The following CDH1 variants were observed in gnomAD, a reference collection of about 807,000 sequenced individuals.
CDH1 encodes the protein cadherin 1, also known as cadherin-1.
CDH1 carries 35 observed loss-of-function variants against 84.5 expected under a neutral mutation model. The observed-to-expected ratio is 0.41, with a 90% confidence interval of 0.32 to 0.55. The LOEUF (loss-of-function observed/expected upper bound fraction) is 0.55, where lower values mean the gene tolerates loss of function less well. CDH1 is among the 20% of genes least tolerant of loss of function. CDH1 has a pLI of 0.19. For synonymous variants in CDH1, 417 were observed against 439.0 expected (o/e 0.95, Z 0.63); for missense variants, 994 against 1,126.6 (o/e 0.88, Z 1.68).
In CDH1 at chr16:68,759,503, T is replaced by C. The variant is rs565785919; in HGVS notation, c.163+21092T>C. On this transcript the variant is annotated intron_variant, in intron 2 of 15. Coordinates refer to ENST00000261769, the MANE Select transcript of CDH1 (RefSeq NM_004360.5). ...CTTTTCTTTCTTTTTTTTTTTTTTT[T>C]GGTTGAGATGGAATTTTGCTCTGTT... 8.8e-4 allele frequency among the ~76,000 whole-genome samples: 132 copies of C among 150,826 alleles called. No homozygotes were observed. In the Middle Eastern group the frequency reaches 0.017, roughly 20 times the overall value.
At chr16:68,750,543 T>C (rs1255749362) in intron 2 of CDH1, among the ~76,000 whole-genome samples, 3 of 151,964 alleles carry the variant, frequency 2.0e-5, no homozygotes, top group East Asian at 1.9e-4. Flanking sequence ...CGTGGGATAA[T>C]TGGCCAAGTT....
Position 68,757,951 on chromosome 16 carries a change from AC to A in CDH1, c.163+19542del, listed in dbSNP as rs545807717. ...GTAGCTGGGACTACAGGTGCATGCC[AC>A]CACTCCAGGCTAATCTTTTTTTTTT... On this transcript the variant is annotated intron_variant, in intron 2 of 15. Transcript: ENST00000261769. Among the ~76,000 whole-genome samples the A allele has an allele frequency of 2.4e-3, 336 of 141,592 alleles. 2 individuals are homozygous for A. The highest frequency in any genetic ancestry group is 3.6e-3 in the Non-Finnish European group (239 of 65,718). The allele number at this position is 141,592 out of a possible 152,430, so 92.9% of individuals were successfully genotyped here.
At chr16:68,739,365 TGA>T (rs1476400810) in intron 2 of CDH1, among the ~76,000 whole-genome samples, 1 of 151,990 alleles carries the variant, frequency 6.6e-6, no homozygotes, top group African/African-American at 2.4e-5. Flanking sequence ...TGCAGTGAGC[TGA>T]GATAGTGCCA....
At chr16:68,739,858 A>C (rs976045025) in intron 2 of CDH1, among the ~76,000 whole-genome samples, 2 of 151,064 alleles carry the variant, frequency 1.3e-5, no homozygotes, top group Middle Eastern at 3.4e-3. Context: ...CAGGTGACCC[A>C]CCTGCCTCAA....
rs2276330 is a variant in CDH1 at position 68,823,386 on chromosome 16, T to C, written c.1937-13T>C. On this transcript the variant is annotated splice_polypyrimidine_tract_variant and intron_variant, in intron 12 of 15. Coordinates refer to ENST00000261769, the MANE Select transcript of CDH1 (RefSeq NM_004360.5). ...CCCCTGGTCTCATCATTTCTTTTTA[T>C]TGCTTTCTCCAGCCCAAGAATCTAT... The C allele has an allele frequency of 0.12, 188,342 of 1,582,056 alleles. 12,547 individuals carry two copies. The highest frequency in any genetic ancestry group is 0.13 in the Non-Finnish European group (153,882 of 1,151,384).
At chr16:68,795,449 C>T (rs537501369) in intron 2 of CDH1, among the ~76,000 whole-genome samples, 34 of 152,322 alleles carry the variant, frequency 2.2e-4, no homozygotes, top group African/African-American at 7.5e-4. Context: ...GGTGAGATTA[C>T]AGGTATGAGC....
At chr16:68,828,945 C>G (rs1961403188) in intron 14 of CDH1, among the ~76,000 whole-genome samples, 1 of 152,078 alleles carries the variant, frequency 6.6e-6, no homozygotes, top group East Asian at 1.9e-4. Context: ...GGTGGGTGTA[C>G]AGAGAAAAAT....
intron 10 of CDH1, among the ~76,000 whole-genome samples, chr16:68,817,536 A>C (rs1050000472): frequency 6.6e-6 from 1 of 152,194 alleles, no homozygotes; most frequent in Admixed American, 6.5e-5. Context: ...TTTGCTGTGA[A>C]GAAATCTGGT....
intron 2 of CDH1, among the ~76,000 whole-genome samples, chr16:68,784,437 G>A (rs531549793): frequency 1.1e-4 from 17 of 152,004 alleles, no homozygotes; most frequent in African/African-American, 2.2e-4. Flanking sequence ...ACCAGCATCC[G>A]CCGGCAGCAC....
At chr16:68,803,442 G>C (rs902763037) in intron 3 of CDH1, among the ~76,000 whole-genome samples, 14 of 152,144 alleles carry the variant, frequency 9.2e-5, no homozygotes, top group African/African-American at 3.4e-4. Flanking sequence ...CTGTCTCCCA[G>C]GCTGGAGGGC....
chr16:68,833,530 T>C lies in CDH1; in HGVS notation c.*31T>C, dbSNP rs1961551777. The C allele has an allele frequency of 6.4e-7, 1 of 1,556,976 alleles. No homozygotes were observed. Among genetic ancestry groups the C allele is most frequent in the African/African-American group, 1.4e-5 (1 of 73,966 alleles). ...TCGAGAGAGGCGGGCCCCAGACCCA[T>C]GTGCTGGGAAATGCAGAAATCACGT... On this transcript the variant is annotated 3_prime_UTR_variant, in exon 16 of 16. Transcript: ENST00000261769.
rs768543799 is a variant in CDH1, at chr16:68,822,244, T to C, written c.1936+19T>C. On this transcript the variant is annotated intron_variant, in intron 12 of 15. Transcript: ENST00000261769. ...GACCCAAGTGGGTACCTGAGTTTTA[T>C]TTTGGCAACTTTGCTCCAACTGCCA... 1.3e-6 allele frequency: 2 copies of C among 1,566,412 alleles called. No homozygotes were observed. The highest frequency in any genetic ancestry group is 1.8e-6 in the Non-Finnish European group (2 of 1,136,732).
intron 2 of CDH1, among the ~76,000 whole-genome samples, chr16:68,751,337 C>G (rs1264804691): frequency 1.3e-5 from 2 of 152,128 alleles, no homozygotes; most frequent in Non-Finnish European, 2.9e-5. Context: ...CCTGGTTATA[C>G]TTAGAACACA....
chr16:68,762,317 G>C (rs1030243670), intron 2 of CDH1, among the ~76,000 whole-genome samples: 2 of 152,192 alleles, frequency 1.3e-5, no homozygotes, highest in African/African-American at 4.8e-5. Context: ...CCCTTTGCCA[G>C]TTGGGATCCC....
At chr16:68,765,801 C>A (rs1389317025) in intron 2 of CDH1, among the ~76,000 whole-genome samples, 1 of 151,672 alleles carries the variant, frequency 6.6e-6, no homozygotes, top group Admixed American at 6.6e-5. Flanking sequence ...ACAGTTGGAT[C>A]TAGTTTCTCT....
In CDH1 at chr16:68,788,111, G is replaced by A. The variant is rs188955733; in HGVS notation, c.164-13559G>A. Among the ~76,000 whole-genome samples the A allele has an allele frequency of 3.2e-3, 483 of 152,264 alleles. 5 individuals carry two copies. Among genetic ancestry groups the A allele is most frequent in the African/African-American group, 0.011 (445 of 41,556 alleles). ...CAAAGTGCTGGGATTACAGGTGTGA[G>A]CCACCGCACCCAGCCTACTGTTAAT... On this transcript the variant is annotated intron_variant, in intron 2 of 15. Coordinates refer to ENST00000261769, the MANE Select transcript of CDH1 (RefSeq NM_004360.5).
chr16:68,740,409 G>A (rs1962532009), intron 2 of CDH1, among the ~76,000 whole-genome samples: 1 of 152,008 alleles, frequency 6.6e-6, no homozygotes, highest in Non-Finnish European at 1.5e-5. Flanking sequence ...TAACTCCTGG[G>A]CTCAAGTGAT....
At position 68,815,879 on chromosome 16, in the gene CDH1, T is replaced by G; in HGVS notation, c.1565+120T>G. On this transcript the variant is annotated intron_variant, in intron 10 of 15. Transcript: ENST00000261769. The stretch of plus-strand genomic sequence containing the variant: ...CATTTGTCTGTACAAGACCATTCTC[T>G]TAATTTATTTTTTATTCCCTTTATC... 1.7e-5 allele frequency: 21 copies of G among 1,210,342 alleles called. No homozygotes were observed. In the South Asian group the frequency reaches 2.7e-4, roughly 15 times the overall value. 75.0% of individuals were successfully genotyped at this position (1,210,342 alleles called of 1,614,324 possible).
At chr16:68,746,674 G>C (rs969905257) in intron 2 of CDH1, among the ~76,000 whole-genome samples, 1 of 152,012 alleles carries the variant, frequency 6.6e-6, no homozygotes, top group Non-Finnish European at 1.5e-5. Flanking sequence ...GAGGCTGGGT[G>C]CAGTGGCTCA....
Sources: allele counts gnomAD v4.1 joint callset (sites outside exome capture counted in the v4.1 genomes callset), GRCh38; gene constraint gnomAD v4.1.1; transcripts MANE v1.5; gene names NCBI Gene and HGNC (gene_info 2026-07-23, HGNC 2026-07-21).